Variants in COPB1 observed in about 807,000 individuals in gnomAD.
COPB1 encodes coatomer subunit beta.
Under a neutral mutation model 108.7 loss-of-function variants are expected in COPB1, and 21 were observed. The observed-to-expected ratio is 0.19, with a 90% CI of 0.14 to 0.28. COPB1 has a LOEUF of 0.28. COPB1 is among the 10% of genes least tolerant of loss of function. The pLI is 1.00. For missense variants in COPB1, 919 were observed against 1,141.3 expected, an observed-to-expected ratio of 0.81 and a Z score of 2.81; for synonymous variants, 378 against 386.8, an observed-to-expected ratio of 0.98 and a Z score of 0.27.
intron 11 of COPB1, 107 bp from the exon 12 acceptor site, chr11:14,477,122 G>A (rs550723789): frequency 1.7e-5 from 13 of 774,928 alleles, no homozygotes; most frequent in Middle Eastern, 4.7e-4. Flanking sequence ...AGGCACTCAC[G>A]CCTGTAATCC....
chr11:14,497,861 TA>T (rs999613023), intron 2 of COPB1, among the ~76,000 whole-genome samples: 2 of 152,058 alleles, frequency 1.3e-5, no homozygotes, highest in African/African-American at 4.8e-5. Flanking sequence ...TATTCAGCCA[TA>T]AAAAAAGAAT....
At chr11:14,474,430 G>C in intron 14 of COPB1, 65 bp downstream of exon 14, 1 of 1,475,066 alleles carries the variant, frequency 6.8e-7, no homozygotes, top group South Asian at 1.2e-5. Context: ...GTCCCTCACT[G>C]TTCAATGCAT....
chr11:14,462,024 A>C (rs746199765), intron 18 of COPB1, among the ~76,000 whole-genome samples: 3 of 152,176 alleles, frequency 2.0e-5, no homozygotes, highest in African/African-American at 4.8e-5. Flanking sequence ...TATAATGACA[A>C]GGAAAAAATG....
intron 20 of COPB1, 111 bp downstream of exon 20, chr11:14,460,097 T>C (rs1053767161): frequency 1.5e-5 from 10 of 652,926 alleles, no homozygotes; most frequent in Admixed American, 1.1e-4. Context: ...TTAGATAGCC[T>C]AGAATGGTAC....
chr11:14,477,896 CAAAAA>C (rs1289045044), intron 11 of COPB1, among the ~76,000 whole-genome samples: 2 of 59,888 alleles, frequency 3.3e-5, no homozygotes. Context: ...GACTCCATCT[CAAAAA>C]AAAAAAAAAA....
At chr11:14,485,525 A>G (rs1303854758) in intron 7 of COPB1, among the ~76,000 whole-genome samples, 1 of 152,168 alleles carries the variant, frequency 6.6e-6, no homozygotes, top group African/African-American at 2.4e-5. Flanking sequence ...TGTTGGCCAG[A>G]AGCCTTACCA....
At position 14,464,982 on chromosome 11, in the gene COPB1, T is replaced by C. The variant is rs753578729; in HGVS notation, c.2339A>G (p.His780Arg). ...GTTAGCTTTAATATTTGCGAAGTCA[T>C]GAGGAGCAAGAGTCAAAGGAGACGG... ...EKPSPLTLAP[H>R]DFANIKANVK... Residue 780 changes from histidine (H) to arginine (R), a missense_variant, in exon 18 of 22, where the codon CAT becomes CGT. By Grantham distance (29) the His-to-Arg change is conservative. Coordinates refer to ENST00000439561, the MANE Select transcript of COPB1 (RefSeq NM_001144061.2). 1.9e-6 allele frequency: 3 copies of C among 1,613,428 alleles called. No individual in the cohort carries two copies. Among genetic ancestry groups the C allele is most frequent in the East Asian group, 4.5e-5 (2 of 44,832 alleles).
At position 14,486,447 on chromosome 11, in the gene COPB1, A is replaced by G. The variant is rs1344440929; in HGVS notation, c.757T>C (p.Leu253=). The stretch of plus-strand genomic sequence containing the variant: ...TTTACAGCAGGGCTGGATGACTGTA[A>G]TAAGTTATAGATGCAGCGAATAAAA... ...ARFIRCIYNL[L]QSSSPAVKYE... The change falls in exon 7 of 22, where the codon TTA becomes CTA. Residue 253 remains leucine (L), a synonymous_variant. Coordinates refer to ENST00000439561, the MANE Select transcript of COPB1 (RefSeq NM_001144061.2). 5 of 1,614,114 alleles carry G rather than the reference A, an allele frequency of 3.1e-6. No individual in the cohort carries two copies. Among genetic ancestry groups the G allele is most frequent in the East Asian group, 2.2e-5 (1 of 44,872 alleles).
At chr11:14,478,828 T>A (rs930692648) in intron 11 of COPB1, 3 of 151,934 alleles carry the variant, frequency 2.0e-5, no homozygotes, top group African/African-American at 7.2e-5. Context: ...ATTAAATTTA[T>A]TCAGAAAAAC....
At chr11:14,468,883 T>G (rs1850342720) in intron 15 of COPB1, 23 bp from the exon 16 acceptor site, 1 of 1,595,764 alleles carries the variant, frequency 6.3e-7, no homozygotes, top group Admixed American at 1.7e-5. Context: ...TATAACAAAG[T>G]CTCTCTTTAA....
rs1171113755 is a variant in COPB1 at position 14,461,298 on chromosome 11, T to C, written c.2444A>G (p.Asn815Ser). ...GTGAATATCACTGAGAACCACACAA[T>C]TTCTGTCACTTGCTGCTCCAGAGAC... ...YDVSGAASDR[N>S]CVVLSDIHID... is the part of the protein sequence containing the mutation. The change falls in exon 19 of 22, where the codon AAT (asparagine) becomes AGT (serine). Residue 815 changes from asparagine to serine, a missense_variant. Physicochemically the swap from Asn to Ser is conservative, Grantham distance 46. Coordinates refer to ENST00000439561, the MANE Select transcript of COPB1 (RefSeq NM_001144061.2). The C allele has an allele frequency of 3.1e-6, 5 of 1,614,050 alleles. No individual in the cohort carries two copies. Among genetic ancestry groups the C allele is most frequent in the Non-Finnish European group, 3.4e-6 (4 of 1,180,026 alleles).
chr11:14,459,109 G>C (rs1247881028), intron 20 of COPB1, among the ~76,000 whole-genome samples: 1 of 152,218 alleles, frequency 6.6e-6, no homozygotes, highest in East Asian at 1.9e-4. Flanking sequence ...TACATACAGG[G>C]TGGTGGTTAC....
chr11:14,477,853 C>T (rs947666839), intron 11 of COPB1, among the ~76,000 whole-genome samples: 3 of 149,150 alleles, frequency 2.0e-5, no homozygotes, highest in Non-Finnish European at 4.4e-5. Flanking sequence ...GCCGAGATCG[C>T]GCCACTGCAC....
At position 14,490,559 on chromosome 11, in the gene COPB1, C is replaced by G; in HGVS notation, c.606+6G>C. 1 of 1,543,442 alleles carries G rather than the reference C, an allele frequency of 6.5e-7. No homozygotes were observed. The highest frequency in any genetic ancestry group is 8.9e-7 in the Non-Finnish European group (1 of 1,123,440). On this transcript the variant is annotated splice_donor_region_variant and intron_variant, in intron 5 of 21. Transcript: ENST00000439561. Reference sequence around the variant, plus strand: ...TAATAAGAGTATTTTTTAAAAAGTACCTCACCTGATCTGCATGAATTAGCA... The same window carrying G: ...TAATAAGAGTATTTTTTAAAAAGTAGCTCACCTGATCTGCATGAATTAGCA...
Position 14,457,762 on chromosome 11 carries a change from T to G in COPB1, c.*62A>C. 9.9e-7 allele frequency: 1 copy of G among 1,012,176 alleles called. No homozygotes were observed. The highest frequency in any genetic ancestry group is 1.8e-5 in the Admixed American group (1 of 57,112). The allele number at this position is 1,012,176 out of a possible 1,614,324, so 62.7% of individuals were successfully genotyped here. On this transcript the variant is annotated 3_prime_UTR_variant, in exon 22 of 22. Transcript: ENST00000439561. ...TAAGCATGAAAGAGTACAAAAGATG[T>G]TGGAGTCCAGTAAGCCCATACCTAA...
At chr11:14,458,380 A>G (rs780661938) in intron 21 of COPB1, 152 bp downstream of exon 21, 1 of 742,620 alleles carries the variant, frequency 1.3e-6, no homozygotes, top group Non-Finnish European at 1.9e-6. Context: ...AATTTTAATG[A>G]GAAAAGTTAT....
rs762492964 is a variant in COPB1 at position 14,480,994 on chromosome 11, TCAA to T, written c.1058_1060del (p.Val353del). ...GCTGTCAGAGTTTCCTTTTACCTCT[TCAA>T]CATTTCTAGAAGAGACAAGATCCAG... On this transcript the variant is annotated inframe_deletion, in exon 9 of 22. Transcript: ENST00000439561. The T allele has an allele frequency of 1.4e-5, 22 of 1,613,854 alleles. No individual in the cohort carries two copies. The highest frequency in any genetic ancestry group is 1.9e-5 in the Non-Finnish European group (22 of 1,179,848).
rs78990110 is a variant in COPB1 at position 14,481,288 on chromosome 11, C to G, written c.958-191G>C. ...TGCAATATGAAATAATAGCACATGA[C>G]ACATTCAAACTGATAATGTTTACTT... On this transcript the variant is annotated intron_variant, in intron 8 of 21. Transcript: ENST00000439561. 3.8e-3 allele frequency among the ~76,000 whole-genome samples: 584 copies of G among 152,316 alleles called. 5 individuals carry two copies. The highest frequency in any genetic ancestry group is 0.013 in the African/African-American group (556 of 41,576).
chr11:14,458,074 ATTTTTTTTTT>A (rs748562590), intron 21 of COPB1, among the ~76,000 whole-genome samples, 191 bp from the exon 22 acceptor site: 19 of 100,728 alleles, frequency 1.9e-4, no homozygotes, highest in East Asian at 3.0e-4. Flanking sequence ...CCGTCACCAG[ATTTTTTTTTT>A]TTTTTTTTTT....
Sources: allele counts gnomAD v4.1 joint callset (sites outside exome capture counted in the v4.1 genomes callset), GRCh38; gene constraint gnomAD v4.1.1; transcripts MANE v1.5; gene names NCBI Gene and HGNC (gene_info 2026-07-23, HGNC 2026-07-21).